The following SYT2 variants were observed in gnomAD, a reference collection of about 807,000 sequenced individuals.
SYT2 encodes the protein synaptotagmin-2.
Under a neutral mutation model 39.9 loss-of-function variants are expected in SYT2, and 15 were observed. The observed-to-expected ratio is 0.38, with a 90% CI of 0.25 to 0.58. The LOEUF is 0.58. SYT2 is among the 20% of genes least tolerant of loss of function. The pLI is 0.70. For synonymous variants in SYT2, 181 were observed against 204.5 expected, an observed-to-expected ratio of 0.89 and a Z score of 0.98; for missense variants, 389 against 530.3, an observed-to-expected ratio of 0.73 and a Z score of 2.62.
chr1:202,642,293 A>T (rs1029051520), intron 1 of SYT2, among the ~76,000 whole-genome samples: 6 of 151,852 alleles, frequency 4.0e-5, no homozygotes, highest in African/African-American at 1.4e-4. Context: ...GAGGCCAGTG[A>T]CCAAAGGCAG....
intron 1 of SYT2, chr1:202,632,973 G>A (rs2149092033): frequency 6.6e-6 from 1 of 152,346 alleles, no homozygotes; most frequent in Middle Eastern, 3.4e-3. Context: ...GGATGCAGGA[G>A]GCACTCTGAC....
intron 1 of SYT2, among the ~76,000 whole-genome samples, chr1:202,609,386 T>C (rs1188672600): frequency 6.6e-6 from 1 of 152,222 alleles, no homozygotes; most frequent in Non-Finnish European, 1.5e-5. Context: ...CCATGACTTA[T>C]AATCCTTTGG....
intron 1 of SYT2, among the ~76,000 whole-genome samples, chr1:202,639,066 G>A (rs1237477012): frequency 1.3e-5 from 2 of 152,130 alleles, no homozygotes; most frequent in African/African-American, 4.8e-5. Context: ...TTCACGTTTG[G>A]CTATCCTGCT....
intron 1 of SYT2, among the ~76,000 whole-genome samples, chr1:202,679,157 CAGG>C (rs1267010671): frequency 2.6e-5 from 4 of 152,288 alleles, no homozygotes; most frequent in South Asian, 2.1e-4. Context: ...AGCTGCTGAG[CAGG>C]AGGAGAAGCT....
At chr1:202,689,622 T>C (rs1331232813) in intron 1 of SYT2, among the ~76,000 whole-genome samples, 1 of 152,096 alleles carries the variant, frequency 6.6e-6, no homozygotes, top group Non-Finnish European at 1.5e-5. Context: ...ATACTAAGGT[T>C]GTTCTACAGA....
At chr1:202,621,168 T>C (rs1443352028) in intron 1 of SYT2, among the ~76,000 whole-genome samples, 1 of 152,204 alleles carries the variant, frequency 6.6e-6, no homozygotes, top group Non-Finnish European at 1.5e-5. Context: ...TATCTTTCTG[T>C]ATCTTTAAAT....
chr1:202,680,285 C>T (rs893325253), intron 1 of SYT2, among the ~76,000 whole-genome samples: 12 of 152,160 alleles, frequency 7.9e-5, no homozygotes. Context: ...CTAGAACATA[C>T]CAGTTTCTGC....
intron 1 of SYT2, among the ~76,000 whole-genome samples, chr1:202,688,815 T>C (rs903927871): frequency 1.3e-5 from 2 of 152,210 alleles, no homozygotes; most frequent in Admixed American, 6.5e-5. Flanking sequence ...CTGGTGAGCA[T>C]GGTCTGAGTT....
chr1:202,706,313 T>C (rs1654249375), intron 1 of SYT2, among the ~76,000 whole-genome samples: 1 of 149,572 alleles, frequency 6.7e-6, no homozygotes, highest in Admixed American at 6.7e-5. Flanking sequence ...TCCCTTGAGT[T>C]TTAAGAATAT....
intron 1 of SYT2, among the ~76,000 whole-genome samples, chr1:202,672,641 C>T (rs992320229): frequency 2.0e-5 from 3 of 146,740 alleles, no homozygotes; most frequent in Admixed American, 6.9e-5. Context: ...CATTAATGAA[C>T]TGGAAAGCAG....
At chr1:202,616,591 T>C (rs1691045363) in intron 1 of SYT2, among the ~76,000 whole-genome samples, 2 of 152,222 alleles carry the variant, frequency 1.3e-5, no homozygotes, top group African/African-American at 2.4e-5. Flanking sequence ...TTGTGGCTTC[T>C]GCCCCATCCC....
At chr1:202,639,740 T>A in intron 1 of SYT2, 1 of 985,442 alleles carries the variant, frequency 1.0e-6, no homozygotes. Context: ...GAGCTCTTCC[T>A]TTCTCCAGGC....
rs1690424818 is a variant in SYT2, at chr1:202,599,574, G to A, written c.920-223C>T. ...GTTGGTTGTGGCTTCCTGAAGCATT[G>A]GGTGGAGGGCATTTCTGAGTCTAAG... On this transcript the variant is annotated intron_variant, in intron 7 of 8. Transcript: ENST00000367268. The surrounding 1 kb of genome is among the most constrained non-coding windows in gnomAD (Gnocchi z 4.4). Among the ~76,000 whole-genome samples the A allele has an allele frequency of 6.6e-6, 1 of 152,160 alleles. No individual in the cohort carries two copies. Among genetic ancestry groups the A allele is most frequent in the African/African-American group, 2.4e-5 (1 of 41,430 alleles).
chr1:202,606,522 G>A (rs931830815), intron 1 of SYT2, among the ~76,000 whole-genome samples: 9 of 152,062 alleles, frequency 5.9e-5, no homozygotes, highest in African/African-American at 1.7e-4. Context: ...CCTGCCCCGC[G>A]AGACTCCTCA....
chr1:202,682,606 C>T (rs931588197), intron 1 of SYT2, among the ~76,000 whole-genome samples: 1 of 152,038 alleles, frequency 6.6e-6, no homozygotes, highest in African/African-American at 2.4e-5. Flanking sequence ...TGGACATAGG[C>T]GTGGAGTGGC....
At chr1:202,706,711 G>A (rs1289238915) in intron 1 of SYT2, among the ~76,000 whole-genome samples, 2 of 152,180 alleles carry the variant, frequency 1.3e-5, no homozygotes, top group Non-Finnish European at 1.5e-5. Flanking sequence ...TGGAGTCCAG[G>A]AGAAGCCATA....
rs539535247 is a variant in SYT2, at chr1:202,696,032, T to C, written c.-18+14226A>G. Reference sequence around the variant, plus strand: ...TTCTCAGTCTCCAGTGGAAAAACTATAGTTTGCCTTTGGAAACGTCTAATG... The same window carrying C: ...TTCTCAGTCTCCAGTGGAAAAACTACAGTTTGCCTTTGGAAACGTCTAATG... On this transcript the variant is annotated intron_variant, in intron 1 of 8. Coordinates refer to ENST00000367268, the MANE Select transcript of SYT2 (RefSeq NM_177402.5). Among the ~76,000 whole-genome samples the C allele has an allele frequency of 3.9e-5, 6 of 152,240 alleles. No individual in the cohort carries two copies. In the South Asian group the frequency reaches 6.2e-4, roughly 16 times the overall value.
chr1:202,643,051 CG>C (rs1691965647), intron 1 of SYT2, among the ~76,000 whole-genome samples: 1 of 152,244 alleles, frequency 6.6e-6, no homozygotes, highest in African/African-American at 2.4e-5. Context: ...GTAATTCCGA[CG>C]CCCATGGATT....
intron 1 of SYT2, among the ~76,000 whole-genome samples, chr1:202,674,326 TC>T (rs1326791693): frequency 6.6e-6 from 1 of 152,128 alleles, no homozygotes; most frequent in East Asian, 1.9e-4. Context: ...GGTCTCGAAC[TC>T]CTGACCTCAG....
Sources: allele counts gnomAD v4.1 joint callset (sites outside exome capture counted in the v4.1 genomes callset), GRCh38; gene constraint gnomAD v4.1.1; non-coding constraint Gnocchi (gnomAD v3.1); transcripts MANE v1.5; gene names NCBI Gene and HGNC (gene_info 2026-07-23, HGNC 2026-07-21).